CR1: variants seen among roughly 807,000 people sequenced by gnomAD.
The protein encoded by CR1 is complement receptor type 1.
A neutral mutation model predicts 187.3 loss-of-function variants in CR1; 116 were observed. That is an observed-to-expected ratio of 0.62 (90% CI 0.53 to 0.72). The LOEUF is 0.72. Among genes scored for constraint, CR1 ranks in the 30% least tolerant of loss-of-function variants. CR1 has a pLI of 0.00. For synonymous variants in CR1, 576 were observed against 747.1 expected, an observed-to-expected ratio of 0.77 and a Z score of 3.73; for missense variants, 1,731 against 2,110.7, an observed-to-expected ratio of 0.82 and a Z score of 3.52.
chr1:207,512,987 T>A lies in CR1; in HGVS notation c.487+1333T>A, dbSNP rs527591104. Among the ~76,000 whole-genome samples the A allele has an allele frequency of 5.9e-5, 9 of 152,306 alleles. No individual in the cohort carries two copies. In the South Asian group the frequency reaches 1.9e-3, roughly 32 times the overall value. On this transcript the variant is annotated intron_variant, in intron 4 of 46. Transcript: ENST00000367049. ...GTAGCATGGTGCTTCCTCAAGAGAATCCAGTCTCCCATCCGTTGGTGCTGC... is the reference window on the plus strand; with the variant it reads ...GTAGCATGGTGCTTCCTCAAGAGAAACCAGTCTCCCATCCGTTGGTGCTGC...
At chr1:207,624,108 T>C (rs1003119485) in intron 45 of CR1, among the ~76,000 whole-genome samples, 1 of 151,768 alleles carries the variant, frequency 6.6e-6, no homozygotes, top group Non-Finnish European at 1.5e-5. Flanking sequence ...GTATTTTTAG[T>C]ACAGAAAGGG....
chr1:207,610,131 A>G (rs1661878102), intron 37 of CR1, among the ~76,000 whole-genome samples: 1 of 152,168 alleles, frequency 6.6e-6, no homozygotes, highest in Admixed American at 6.5e-5. Flanking sequence ...TGAGAGCATC[A>G]AATCAAAAAG....
At chr1:207,608,759 T>C (rs1661822366) in intron 36 of CR1, among the ~76,000 whole-genome samples, 1 of 152,214 alleles carries the variant, frequency 6.6e-6, no homozygotes, top group African/African-American at 2.4e-5. Context: ...ACTGGTTATG[T>C]GTGTATATGT....
At chr1:207,510,015 C>A (rs1219561889) in intron 3 of CR1, among the ~76,000 whole-genome samples, 11 of 152,070 alleles carry the variant, frequency 7.2e-5, no homozygotes, top group African/African-American at 2.7e-4. Context: ...CAAGACCAGC[C>A]TGGTCAATGT....
chr1:207,575,202 T>TACACAC (rs56173301), intron 27 of CR1, among the ~76,000 whole-genome samples: 18,592 of 149,288 alleles, frequency 0.12, 1,356 homozygotes, highest in South Asian at 0.29. Context: ...CATAGTATTA[T>TACACAC]ACACACACAC....
intron 29 of CR1, 114 bp from the exon 30 acceptor site, chr1:207,580,126 G>A (rs1407728460): frequency 6.8e-7 from 1 of 1,463,454 alleles, no homozygotes; most frequent in South Asian, 1.3e-5. Context: ...TTGGGGCCTT[G>A]TGCTAGGGAG....
intron 39 of CR1, 71 bp from the exon 40 acceptor site, chr1:207,614,329 AGCAT>A: frequency 1.8e-6 from 2 of 1,141,814 alleles, no homozygotes; most frequent in Non-Finnish European, 2.6e-6. Context: ...GAGGAAGCTG[AGCAT>A]CTATTAGCGA....
At chr1:207,608,308 A>T (rs550975022) in intron 36 of CR1, among the ~76,000 whole-genome samples, 8 of 152,354 alleles carry the variant, frequency 5.3e-5, no homozygotes, top group African/African-American at 1.9e-4. Flanking sequence ...ATGTAGCTAC[A>T]TGACTGATTA....
At chr1:207,499,526 C>T (rs1472926835) in intron 1 of CR1, among the ~76,000 whole-genome samples, 1 of 152,212 alleles carries the variant, frequency 6.6e-6, no homozygotes, top group African/African-American at 2.4e-5. Context: ...ACAGCACCAT[C>T]AATCCACTTG....
At chr1:207,617,501 ATATATATGTGTGTGTG>A (rs1662146577) in intron 41 of CR1, among the ~76,000 whole-genome samples, 2 of 56,446 alleles carry the variant, frequency 3.5e-5, no homozygotes, top group East Asian at 8.2e-4. Flanking sequence ...ATATATATAT[ATATATATGTGTGTGTG>A]TGTGTGTGTG....
At chr1:207,630,486 C>A in intron 45 of CR1, 31 bp from the exon 46 acceptor site, 1 of 1,379,050 alleles carries the variant, frequency 7.3e-7, no homozygotes. Context: ...ATGATTAAGA[C>A]AGTTTTTCTA....
intron 4 of CR1, among the ~76,000 whole-genome samples, chr1:207,518,311 T>C (rs1659865977): frequency 6.6e-6 from 1 of 152,224 alleles, no homozygotes; most frequent in Non-Finnish European, 1.5e-5. Context: ...GCCCAGAATA[T>C]GGACGATTTT....
chr1:207,511,686 A>C, intron 4 of CR1, 32 bp downstream of exon 4: 1 of 1,587,824 alleles, frequency 6.3e-7, no homozygotes, highest in Non-Finnish European at 8.6e-7. Context: ...TATTTCTTTT[A>C]CCGACACATT....
chr1:207,638,113 C>A (rs2102424124), intron 46 of CR1, among the ~76,000 whole-genome samples: 1 of 152,258 alleles, frequency 6.6e-6, no homozygotes, highest in South Asian at 2.1e-4. Context: ...CTTACTGTCT[C>A]CCCCTTCTTT....
At position 207,609,383 on chromosome 1, in the gene CR1, A is replaced by G; in HGVS notation, c.5990A>G (p.Gln1997Arg). The change falls in exon 37 of 47, where the codon CAG becomes CGG. Residue 1997 changes from glutamine to arginine, a missense_variant. Physicochemically the swap from Gln to Arg is conservative, Grantham distance 43. Coordinates refer to ENST00000367049, the MANE Select transcript of CR1 (RefSeq NM_000651.6). ...CACAATGGAACGGTGGTAACTTACC[A>G]GTGCCACACTGGACCAGATGGAGAA... ...SFHNGTVVTY[Q>R]CHTGPDGEQL... 3 of 1,614,024 alleles carry G rather than the reference A, an allele frequency of 1.9e-6. No homozygotes were observed. Among genetic ancestry groups the G allele is most frequent in the Non-Finnish European group, 1.7e-6 (2 of 1,179,874 alleles).
intron 28 of CR1, among the ~76,000 whole-genome samples, chr1:207,577,124 G>A (rs1365581575): frequency 6.6e-6 from 1 of 152,060 alleles, no homozygotes; most frequent in Non-Finnish European, 1.5e-5. Context: ...GGTGGCGCAT[G>A]CCTGTAATCC....
At chr1:207,584,183 A>T (rs1222254166) in intron 32 of CR1, among the ~76,000 whole-genome samples, 1 of 152,156 alleles carries the variant, frequency 6.6e-6, no homozygotes, top group Non-Finnish European at 1.5e-5. Flanking sequence ...TAAATCACTG[A>T]TATACAAATA....
chr1:207,598,355 C>A (rs1239751370), intron 35 of CR1, among the ~76,000 whole-genome samples: 1 of 151,258 alleles, frequency 6.6e-6, no homozygotes, highest in African/African-American at 2.4e-5. Context: ...TAAAACATAT[C>A]AAATAAGATT....
chr1:207,513,077 T>C (rs968063377), intron 4 of CR1, among the ~76,000 whole-genome samples: 2 of 152,242 alleles, frequency 1.3e-5, no homozygotes, highest in Admixed American at 1.3e-4. Flanking sequence ...TTTGCAATAA[T>C]TCAAGTCAGA....
Sources: allele counts gnomAD v4.1 joint callset (sites outside exome capture counted in the v4.1 genomes callset), GRCh38; gene constraint gnomAD v4.1.1; transcripts MANE v1.5; gene names NCBI Gene and HGNC (gene_info 2026-07-23, HGNC 2026-07-21).